PRDM5: variants seen among roughly 807,000 people sequenced by gnomAD.
PRDM5 encodes PR domain zinc finger protein 5.
In PRDM5, 56 loss-of-function variants were observed where a neutral mutation model predicts 81.2. The observed-to-expected ratio is 0.69, with a 90% CI of 0.56 to 0.86. The LOEUF (loss-of-function observed/expected upper bound fraction) is 0.86, where lower values mean the gene tolerates loss of function less well. Ranked by LOEUF, PRDM5 falls within the 40% of genes least tolerant of loss-of-function variation. The pLI, the probability that PRDM5 is intolerant of heterozygous loss-of-function variation, is 0.00. For synonymous variants in PRDM5, 267 were observed against 256.4 expected (o/e 1.04, Z -0.39); for missense variants, 697 against 770.1 (o/e 0.91, Z 1.12).
At chr4:120,910,693 T>C (rs985725014) in intron 1 of PRDM5, among the ~76,000 whole-genome samples, 2 of 152,168 alleles carry the variant, frequency 1.3e-5, no homozygotes, top group Non-Finnish European at 2.9e-5. Context: ...AAATTGCCAA[T>C]ATTTGACCAT....
At chr4:120,707,656 T>A (rs1736399926) in intron 15 of PRDM5, among the ~76,000 whole-genome samples, 1 of 151,006 alleles carries the variant, frequency 6.6e-6, no homozygotes, top group Non-Finnish European at 1.5e-5. Flanking sequence ...AAAAACATGA[T>A]CAAATAGAGA....
chr4:120,886,947 C>CTT (rs34889092), intron 2 of PRDM5, among the ~76,000 whole-genome samples: 4,654 of 142,626 alleles, frequency 0.033, 100 homozygotes, highest in African/African-American at 0.061. Flanking sequence ...TCTTCTCTTT[C>CTT]TTTTTTTTTT....
intron 1 of PRDM5, among the ~76,000 whole-genome samples, chr4:120,911,684 A>G (rs1766525961): frequency 6.6e-6 from 1 of 152,176 alleles, no homozygotes; most frequent in African/African-American, 2.4e-5. Flanking sequence ...CTCCTTATCT[A>G]CAAAACTTAG....
chr4:120,895,042 G>A (rs915068116), intron 2 of PRDM5, among the ~76,000 whole-genome samples: 1 of 152,210 alleles, frequency 6.6e-6, no homozygotes, highest in African/African-American at 2.4e-5. Context: ...TATTTAACAA[G>A]AGAAAGTGCA....
chr4:120,696,827 C>T (rs1734581356), intron 15 of PRDM5, among the ~76,000 whole-genome samples: 1 of 152,024 alleles, frequency 6.6e-6, no homozygotes. Flanking sequence ...AGTGGCAGTC[C>T]CCTGGAATAT....
intron 13 of PRDM5, among the ~76,000 whole-genome samples, chr4:120,766,321 T>A (rs961078819): frequency 1.3e-5 from 2 of 152,218 alleles, no homozygotes; most frequent in Non-Finnish European, 2.9e-5. Context: ...ATTAGCCAAC[T>A]CATTAATGTT....
intron 13 of PRDM5, among the ~76,000 whole-genome samples, chr4:120,764,880 T>TAA (rs1387035549): frequency 6.6e-6 from 1 of 152,202 alleles, no homozygotes; most frequent in African/African-American, 2.4e-5. Context: ...AGAAAATAAA[T>TAA]ATAGCAAAAT....
chr4:120,714,414 T>A (rs918776762), intron 14 of PRDM5, among the ~76,000 whole-genome samples: 1 of 152,144 alleles, frequency 6.6e-6, no homozygotes, highest in African/African-American at 2.4e-5. Context: ...ATCAATTCTC[T>A]TTTCAGCTTG....
chr4:120,808,216 T>A (rs767722331), intron 8 of PRDM5, among the ~76,000 whole-genome samples: 1 of 152,160 alleles, frequency 6.6e-6, no homozygotes, highest in Non-Finnish European at 1.5e-5. Flanking sequence ...ATCCTGCTGA[T>A]TGGTCCATTT....
chr4:120,693,333 T>G lies in PRDM5; in HGVS notation c.*1778A>C, dbSNP rs1178216086. 6.6e-6 allele frequency: 1 copy of G among 152,130 alleles called. No individual in the cohort carries two copies. The highest frequency in any genetic ancestry group is 1.9e-4 in the East Asian group (1 of 5,198). The allele number at this position is 152,130 out of a possible 1,614,324, so 9.4% of individuals were successfully genotyped here. Reference sequence around the variant, plus strand: ...TGCTTAAATAATACACACTATCAAATTTTACAGCTGTCTTTTTATATTCAA... The same window carrying G: ...TGCTTAAATAATACACACTATCAAAGTTTACAGCTGTCTTTTTATATTCAA... On this transcript the variant is annotated 3_prime_UTR_variant, in exon 16 of 16. Transcript: ENST00000264808.
chr4:120,907,041 C>T (rs1765880906), intron 2 of PRDM5, among the ~76,000 whole-genome samples: 1 of 148,408 alleles, frequency 6.7e-6, no homozygotes, highest in Non-Finnish European at 1.5e-5. Flanking sequence ...TTTTTAAAAC[C>T]TAAAACATTT....
rs116711369 is a variant in PRDM5, at chr4:120,913,459, G to A, written c.94-5902C>T. ...CTCTTACTCCAGTTGATATAGCAGA[G>A]GTCAGGGGAAAGAAATGTAGTGGTG... On this transcript the variant is annotated intron_variant, in intron 1 of 15. Coordinates refer to ENST00000264808, the MANE Select transcript of PRDM5 (RefSeq NM_018699.4). Among the ~76,000 whole-genome samples the A allele has an allele frequency of 8.6e-3, 1,314 of 152,248 alleles. 17 individuals carry two copies. The highest frequency in any genetic ancestry group is 0.03 in the African/African-American group (1,250 of 41,536).
intron 3 of PRDM5, among the ~76,000 whole-genome samples, chr4:120,844,416 C>A (rs72680423): frequency 6.6e-6 from 1 of 152,278 alleles, no homozygotes; most frequent in African/African-American, 2.4e-5. Context: ...ATTTCTCCAA[C>A]ACCATGTGCT....
At chr4:120,851,043 C>T (rs1759203689) in intron 3 of PRDM5, among the ~76,000 whole-genome samples, 1 of 152,148 alleles carries the variant, frequency 6.6e-6, no homozygotes, top group African/African-American at 2.4e-5. Context: ...TTAAGGGGAA[C>T]TCCTAAACAA....
intron 2 of PRDM5, among the ~76,000 whole-genome samples, chr4:120,882,755 G>C (rs1561594160): frequency 6.6e-6 from 1 of 152,044 alleles, no homozygotes; most frequent in Non-Finnish European, 1.5e-5. Context: ...TTCGTGTGTA[G>C]AAAAAATTTA....
intron 8 of PRDM5, among the ~76,000 whole-genome samples, chr4:120,802,808 C>A (rs919193177): frequency 2.6e-4 from 39 of 152,310 alleles, no homozygotes; most frequent in African/African-American, 9.4e-4. Flanking sequence ...GCTTCTCCCC[C>A]TCCAAAGGAA....
chr4:120,810,946 A>G (rs749545192), intron 8 of PRDM5, among the ~76,000 whole-genome samples: 100 of 152,214 alleles, frequency 6.6e-4, no homozygotes, highest in Non-Finnish European at 1.1e-3. Context: ...TTACTTTGTA[A>G]TACATCTATA....
chr4:120,855,251 G>T (rs759140943), intron 2 of PRDM5, among the ~76,000 whole-genome samples: 2 of 152,118 alleles, frequency 1.3e-5, no homozygotes, highest in Non-Finnish European at 2.9e-5. Flanking sequence ...AGTGCCCAAG[G>T]ATCCTCAATA....
At chr4:120,752,227 T>A (rs1357752326) in intron 14 of PRDM5, among the ~76,000 whole-genome samples, 2 of 152,184 alleles carry the variant, frequency 1.3e-5, no homozygotes, top group Non-Finnish European at 2.9e-5. Flanking sequence ...TATGCAAAGA[T>A]TATCTGTATT....
Sources: allele counts gnomAD v4.1 joint callset (sites outside exome capture counted in the v4.1 genomes callset), GRCh38; gene constraint gnomAD v4.1.1; transcripts MANE v1.5; gene names NCBI Gene and HGNC (gene_info 2026-07-23, HGNC 2026-07-21).